KCNIP4: variants seen among roughly 807,000 people sequenced by gnomAD.
KCNIP4 encodes the protein Kv channel-interacting protein 4.
In KCNIP4, 12 loss-of-function variants were observed where a neutral mutation model predicts 34.0. That is an observed-to-expected ratio of 0.35 (90% CI 0.23 to 0.57). The LOEUF (loss-of-function observed/expected upper bound fraction) is 0.57, where lower values mean the gene tolerates loss of function less well. Ranked by LOEUF, KCNIP4 falls within the 20% of genes least tolerant of loss-of-function variation. KCNIP4 has a pLI of 0.83. For synonymous variants in KCNIP4, 124 were observed against 102.2 expected (o/e 1.21, Z -1.29); for missense variants, 238 against 311.7 (o/e 0.76, Z 1.78).
At chr4:20,860,942 T>A (rs1722136071) in intron 2 of KCNIP4, among the ~76,000 whole-genome samples, 1 of 152,192 alleles carries the variant, frequency 6.6e-6, no homozygotes. Context: ...CTGATATAAT[T>A]TATTTCCACC....
intron 1 of KCNIP4, among the ~76,000 whole-genome samples, chr4:21,400,525 CTTCTCTTCTCTTCT>C (rs1488552260): frequency 5.1e-5 from 2 of 38,856 alleles, no homozygotes; most frequent in Non-Finnish European, 1.1e-4. Context: ...CTTCTCTTCT[CTTCTCTTCTCTTCT>C]CTTCTCTTCT....
intron 1 of KCNIP4, among the ~76,000 whole-genome samples, chr4:21,082,523 T>C (rs1746086298): frequency 6.6e-6 from 1 of 151,798 alleles, no homozygotes; most frequent in African/African-American, 2.4e-5. Flanking sequence ...ATTTGCTTTA[T>C]TACAGCAATA....
intron 1 of KCNIP4, among the ~76,000 whole-genome samples, chr4:21,357,176 T>C (rs913754032): frequency 3.9e-5 from 6 of 152,198 alleles, no homozygotes; most frequent in African/African-American, 1.4e-4. Context: ...CAAGATGGAT[T>C]GAAGACTTAA....
At chr4:20,925,349 C>T (rs1729796077) in intron 1 of KCNIP4, among the ~76,000 whole-genome samples, 1 of 152,020 alleles carries the variant, frequency 6.6e-6, no homozygotes, top group Non-Finnish European at 1.5e-5. Context: ...GAGGTCAGCA[C>T]AAGATACAGG....
intron 1 of KCNIP4, among the ~76,000 whole-genome samples, chr4:21,642,667 C>T (rs572005297): frequency 5.3e-4 from 81 of 152,002 alleles, no homozygotes; most frequent in Non-Finnish European, 1.0e-3. Flanking sequence ...GAGAGGAATG[C>T]TTCTAGCAGA....
At chr4:21,610,497 C>T (rs781757188) in intron 1 of KCNIP4, among the ~76,000 whole-genome samples, 2 of 152,106 alleles carry the variant, frequency 1.3e-5, no homozygotes, top group Non-Finnish European at 2.9e-5. Context: ...ATTTGAGGTA[C>T]TGGAACGTAT....
chr4:21,225,488 A>G (rs1252490884), intron 1 of KCNIP4, among the ~76,000 whole-genome samples: 1 of 152,120 alleles, frequency 6.6e-6, no homozygotes, highest in African/African-American at 2.4e-5. Context: ...TATAGTTGTG[A>G]TTATAACTAT....
chr4:21,001,879 C>A (rs1216877879), intron 1 of KCNIP4, among the ~76,000 whole-genome samples: 2 of 152,180 alleles, frequency 1.3e-5, no homozygotes. Flanking sequence ...GTTCTTGGAA[C>A]CTCTCGTTCC....
chr4:21,247,368 G>A (rs1760284075), intron 1 of KCNIP4, among the ~76,000 whole-genome samples: 1 of 151,896 alleles, frequency 6.6e-6, no homozygotes, highest in African/African-American at 2.4e-5. Context: ...CAGAAATGCA[G>A]TTCTTGTTCA....
intron 1 of KCNIP4, among the ~76,000 whole-genome samples, chr4:20,976,381 A>G (rs777857587): frequency 4.6e-5 from 7 of 152,206 alleles, no homozygotes; most frequent in Non-Finnish European, 7.3e-5. Context: ...TTTCAACACA[A>G]TTACAAGAAA....
At chr4:21,073,506 A>G (rs1203072622) in intron 1 of KCNIP4, among the ~76,000 whole-genome samples, 2 of 152,196 alleles carry the variant, frequency 1.3e-5, no homozygotes, top group Non-Finnish European at 1.5e-5. Flanking sequence ...GACTTTGCTG[A>G]AGTTGCTTAT....
At chr4:21,548,767 T>C (rs1738338426) in intron 1 of KCNIP4, among the ~76,000 whole-genome samples, 1 of 152,062 alleles carries the variant, frequency 6.6e-6, no homozygotes, top group Admixed American at 6.6e-5. Context: ...TGCCTTACCA[T>C]GGAGGGATAG....
chr4:21,802,286 C>G (rs985992425), intron 1 of KCNIP4, among the ~76,000 whole-genome samples: 5 of 152,046 alleles, frequency 3.3e-5, no homozygotes, highest in Non-Finnish European at 7.4e-5. Flanking sequence ...ATTTGATAGA[C>G]CTTACATGTC....
intron 1 of KCNIP4, among the ~76,000 whole-genome samples, chr4:21,577,632 AAAAACAAAC>A (rs1301951101): frequency 1.3e-4 from 6 of 47,116 alleles, no homozygotes; most frequent in African/African-American, 9.9e-4. Context: ...ACTCCATCTT[AAAAACAAAC>A]AAACAAACAA....
chr4:21,532,882 C>A (rs1736807197), intron 1 of KCNIP4, among the ~76,000 whole-genome samples: 1 of 151,664 alleles, frequency 6.6e-6, no homozygotes, highest in Non-Finnish European at 1.5e-5. Context: ...ATTATATTAT[C>A]CAAGATTTTT....
intron 1 of KCNIP4, among the ~76,000 whole-genome samples, chr4:21,015,833 C>CAATATATACAATATATAA (rs1283925779): frequency 7.9e-6 from 1 of 126,938 alleles, no homozygotes; most frequent in Non-Finnish European, 1.6e-5. Context: ...AAAATATATA[C>CAATATATACAATATATAA]AATATATACA....
chr4:20,794,011 T>G (rs1406255434), intron 3 of KCNIP4, among the ~76,000 whole-genome samples: 2 of 152,080 alleles, frequency 1.3e-5, no homozygotes, highest in African/African-American at 2.4e-5. Flanking sequence ...TCTCATGAGA[T>G]CTGATGGTTT....
At chr4:21,110,853 T>G (rs1018139853) in intron 1 of KCNIP4, among the ~76,000 whole-genome samples, 2 of 152,198 alleles carry the variant, frequency 1.3e-5, no homozygotes, top group African/African-American at 4.8e-5. Context: ...TTGGACTTCC[T>G]ACAGACCAGA....
At chr4:21,562,388 C>A (rs1169437663) in intron 1 of KCNIP4, among the ~76,000 whole-genome samples, 2 of 151,934 alleles carry the variant, frequency 1.3e-5, no homozygotes, top group African/African-American at 2.4e-5. Context: ...TATTAAAGAG[C>A]CATTACCAAG....
Sources: allele counts gnomAD v4.1 joint callset (sites outside exome capture counted in the v4.1 genomes callset), GRCh38; gene constraint gnomAD v4.1.1; transcripts MANE v1.5; gene names NCBI Gene and HGNC (gene_info 2026-07-23, HGNC 2026-07-21).